The following SOX6 variants were observed in gnomAD, a reference collection of about 807,000 sequenced individuals.
The protein encoded by SOX6 is SRY-box transcription factor 6, also known as transcription factor SOX-6.
A neutral mutation model predicts 97.8 loss-of-function variants in SOX6; 11 were observed. The observed-to-expected ratio is 0.11, with a 90% CI of 0.07 to 0.19. SOX6 has a LOEUF of 0.19. SOX6 is among the 10% of genes least tolerant of loss of function. SOX6 has a pLI of 1.00. For missense variants in SOX6, 810 were observed against 1,039.5 expected, an observed-to-expected ratio of 0.78 and a Z score of 3.04; for synonymous variants, 360 against 371.4, an observed-to-expected ratio of 0.97 and a Z score of 0.35.
At chr11:16,643,275 G>A (rs924350024) in intron 3 of SOX6, among the ~76,000 whole-genome samples, 1 of 152,224 alleles carries the variant, frequency 6.6e-6, no homozygotes, top group Admixed American at 6.5e-5. Flanking sequence ...TCCTCTGGAA[G>A]TTTTGTCTCA....
At chr11:16,268,914 T>C (rs1416917973) in intron 3 of SOX6, among the ~76,000 whole-genome samples, 2 of 151,044 alleles carry the variant, frequency 1.3e-5, no homozygotes, top group African/African-American at 4.8e-5. Context: ...CTTTTTAACA[T>C]GCAAATACTT....
chr11:16,401,824 C>T (rs1465882459), intron 1 of SOX6, among the ~76,000 whole-genome samples: 1 of 151,262 alleles, frequency 6.6e-6, no homozygotes, highest in Non-Finnish European at 1.5e-5. Context: ...TGAAAATCTC[C>T]CCAACCCCCT....
rs376231887 is a variant in SOX6 at position 16,023,726 on chromosome 11, G to A, written c.1624-8676C>T. ...ATTCATTCTTTGAATTAATTAAAAAGGCCAATCTCTTATGAAAGGGTAATA... is the reference window on the plus strand; with the variant it reads ...ATTCATTCTTTGAATTAATTAAAAAAGCCAATCTCTTATGAAAGGGTAATA... On this transcript the variant is annotated intron_variant, in intron 12 of 15. Coordinates refer to ENST00000683767, the MANE Select transcript of SOX6 (RefSeq NM_001367873.1). Among the ~76,000 whole-genome samples the A allele has an allele frequency of 2.0e-5, 3 of 152,128 alleles. No homozygotes were observed. The East Asian group carries it at 5.8e-4, about 30-fold the overall frequency.
At chr11:16,624,539 T>C (rs1239122779) in intron 3 of SOX6, among the ~76,000 whole-genome samples, 1 of 152,194 alleles carries the variant, frequency 6.6e-6, no homozygotes, top group East Asian at 1.9e-4. Flanking sequence ...TCAGCCTGCA[T>C]TGATGAACAT....
chr11:16,519,169 G>C (rs960808353), intron 4 of SOX6, among the ~76,000 whole-genome samples: 1 of 152,002 alleles, frequency 6.6e-6, no homozygotes, highest in Admixed American at 6.6e-5. Context: ...AAACATAAAT[G>C]AACTTTCATT....
chr11:16,595,738 T>A (rs1044878300), intron 4 of SOX6, among the ~76,000 whole-genome samples: 4 of 151,992 alleles, frequency 2.6e-5, no homozygotes, highest in African/African-American at 9.7e-5. Context: ...ACCACCGTTC[T>A]CCAGCATGGA....
chr11:16,199,645 C>G (rs1479173760), intron 4 of SOX6, among the ~76,000 whole-genome samples: 1 of 152,130 alleles, frequency 6.6e-6, no homozygotes, highest in Non-Finnish European at 1.5e-5. Flanking sequence ...TTGGGAGATA[C>G]AGTGATATTA....
intron 3 of SOX6, among the ~76,000 whole-genome samples, chr11:16,632,849 G>A (rs541646047): frequency 1.3e-5 from 2 of 152,310 alleles, no homozygotes; most frequent in Non-Finnish European, 2.9e-5. Context: ...CAGGAGGAGC[G>A]GAGTGGCTCA....
intron 4 of SOX6, among the ~76,000 whole-genome samples, chr11:16,485,365 C>T (rs1004898403): frequency 3.9e-5 from 6 of 152,074 alleles, no homozygotes; most frequent in Non-Finnish European, 7.4e-5. Flanking sequence ...GTGGGAGGGT[C>T]GTTTAAGGTG....
intron 6 of SOX6, among the ~76,000 whole-genome samples, chr11:16,158,674 G>A (rs1850664885): frequency 6.6e-6 from 1 of 151,864 alleles, no homozygotes; most frequent in South Asian, 2.1e-4. Context: ...TTTCCTGGGT[G>A]TTCTTTTAGG....
chr11:16,619,550 G>A (rs1387321001), intron 3 of SOX6, among the ~76,000 whole-genome samples: 1 of 151,644 alleles, frequency 6.6e-6, no homozygotes, highest in South Asian at 2.1e-4. Flanking sequence ...ACAGAAATAT[G>A]GTGTTTCTAT....
intron 3 of SOX6, among the ~76,000 whole-genome samples, chr11:16,255,912 T>C (rs1225311616): frequency 6.6e-6 from 1 of 150,526 alleles, no homozygotes; most frequent in African/African-American, 2.4e-5. Context: ...ACAGTTCCCA[T>C]GGACAATTAG....
chr11:16,484,056 T>G lies in SOX6; in HGVS notation n.610-7668A>C, dbSNP rs1860391266. 15 of 778,104 alleles carry G rather than the reference T, an allele frequency of 1.9e-5. No individual in the cohort carries two copies. The Admixed American group carries it at 2.6e-4, about 13-fold the overall frequency. The allele number at this position is 778,104 out of a possible 1,614,324, so 48.2% of individuals were successfully genotyped here. ...CCTGTCGGGAGAGCCGAGGGGGCTG[T>G]AGGCAGTCACCACAATGCCTTTGGA... On this transcript the variant is annotated intron_variant and non_coding_transcript_variant, in intron 4 of 5. Coordinates refer to the SOX6 transcript ENST00000524520.
rs373385835 is a variant in SOX6 at position 16,097,683 on chromosome 11, T to G, written c.904A>C (p.Asn302His). Residue 302 changes from asparagine to histidine, a missense_variant, in exon 8 of 16, where the codon AAC becomes CAC. By Grantham distance (68) the Asn-to-His change is moderately conservative. This residue lies in a region of SOX6 where 244 missense variants were observed against 261.0 expected (regional missense o/e 0.93). Transcript: ENST00000683767. ...GATGGAATGAACTGTACGGGGTAGT[T>G]ATCACCTGTCGGAAAGAACAATGCA... ...PPGITYKPGD[N>H]YPVQFIPSTM... is the part of the protein sequence containing the mutation. The G allele has an allele frequency of 1.2e-6, 2 of 1,610,808 alleles. No homozygotes were observed. Among genetic ancestry groups the G allele is most frequent in the Non-Finnish European group, 1.7e-6 (2 of 1,177,698 alleles).
At chr11:16,557,900 G>A (rs570283831) in intron 4 of SOX6, among the ~76,000 whole-genome samples, 1 of 151,824 alleles carries the variant, frequency 6.6e-6, no homozygotes, top group East Asian at 1.9e-4. Context: ...CAACATAATG[G>A]CTTATAAAGG....
chr11:16,294,263 T>C (rs559985907), intron 3 of SOX6, among the ~76,000 whole-genome samples: 12 of 152,246 alleles, frequency 7.9e-5, no homozygotes, highest in Non-Finnish European at 1.2e-4. Context: ...ATTAATGTAA[T>C]AAACAGTAAA....
At chr11:16,140,804 T>C (rs1589966888) in intron 6 of SOX6, among the ~76,000 whole-genome samples, 1 of 152,142 alleles carries the variant, frequency 6.6e-6, no homozygotes, top group Admixed American at 6.6e-5. Flanking sequence ...CCATGAATAG[T>C]GGAGAAATGT....
intron 3 of SOX6, among the ~76,000 whole-genome samples, chr11:16,689,457 G>A (rs1023719272): frequency 3.3e-5 from 5 of 152,098 alleles, no homozygotes; most frequent in Non-Finnish European, 5.9e-5. Context: ...ATTATTGCCT[G>A]ATGTCCAATG....
intron 4 of SOX6, among the ~76,000 whole-genome samples, chr11:16,588,601 C>T (rs1281851686): frequency 2.0e-5 from 3 of 152,042 alleles, no homozygotes; most frequent in Non-Finnish European, 4.4e-5. Context: ...TCCACTTGAC[C>T]CCCCTCTCCT....
Sources: allele counts gnomAD v4.1 joint callset (sites outside exome capture counted in the v4.1 genomes callset), GRCh38; gene constraint gnomAD v4.1.1; regional missense constraint gnomAD v4.1.1; transcripts MANE v1.5; gene names NCBI Gene and HGNC (gene_info 2026-07-23, HGNC 2026-07-21).